Variants in WSB2 observed in about 807,000 individuals in gnomAD.
WSB2 encodes the protein WD repeat and SOCS box containing 2.
Under a neutral mutation model 48.8 loss-of-function variants are expected in WSB2, and 12 were observed. The observed-to-expected ratio is 0.25, with a 90% CI of 0.16 to 0.40. The LOEUF (loss-of-function observed/expected upper bound fraction) is 0.40. Among genes scored for constraint, WSB2 ranks in the 10% least tolerant of loss-of-function variants. The pLI is 1.00. For synonymous variants in WSB2, 191 were observed against 203.1 expected (o/e 0.94, Z 0.51); for missense variants, 317 against 506.2 (o/e 0.63, Z 3.59).
At chr12:118,049,978 T>C (rs1415210813) in intron 2 of WSB2, among the ~76,000 whole-genome samples, 1 of 152,176 alleles carries the variant, frequency 6.6e-6, no homozygotes, top group East Asian at 1.9e-4. Flanking sequence ...TAACTCAGTG[T>C]TACGCAAAGA....
intron 4 of WSB2, among the ~76,000 whole-genome samples, chr12:118,038,996 T>G (rs1270440287): frequency 6.6e-6 from 1 of 152,232 alleles, no homozygotes; most frequent in Non-Finnish European, 1.5e-5. Context: ...GGACCTTTGA[T>G]AGCAGAGAAT....
chr12:118,055,903 C>G (rs1347980936), intron 1 of WSB2, among the ~76,000 whole-genome samples: 1 of 145,514 alleles, frequency 6.9e-6, no homozygotes, highest in Non-Finnish European at 1.5e-5. Context: ...GTGTAAACCA[C>G]CACGTCTGTT....
rs546134624 is a variant in WSB2 at position 118,034,784 on chromosome 12, TTTAA to T, written c.1052+198_1052+201del. ...CATTAGGTGGCATGACTTACAGATCTTTAATTACATTTAGGTTAAATATTCAGAG... is the reference window on the plus strand; with the variant it reads ...CATTAGGTGGCATGACTTACAGATCTTTACATTTAGGTTAAATATTCAGAG... On this transcript the variant is annotated intron_variant, in intron 8 of 8. Coordinates refer to ENST00000315436, the MANE Select transcript of WSB2 (RefSeq NM_018639.5). The T allele has an allele frequency of 2.6e-3, 1,518 of 585,936 alleles. 3 individuals carry two copies. Among genetic ancestry groups the T allele is most frequent in the Non-Finnish European group, 3.0e-3 (1,011 of 338,972 alleles). 36.3% of individuals were successfully genotyped at this position (585,936 alleles called of 1,614,324 possible). A position where few individuals can be genotyped will look rare whatever the true frequency, so the allele number is the denominator to read the frequency against.
At chr12:118,044,234 C>T (rs953523217) in intron 2 of WSB2, among the ~76,000 whole-genome samples, 1 of 152,120 alleles carries the variant, frequency 6.6e-6, no homozygotes, top group Non-Finnish European at 1.5e-5. Flanking sequence ...ACAGATGCTC[C>T]AGGGAGTCAC....
intron 4 of WSB2, among the ~76,000 whole-genome samples, chr12:118,040,775 C>T (rs979946058): frequency 1.3e-5 from 2 of 151,800 alleles, no homozygotes; most frequent in Non-Finnish European, 2.9e-5. Context: ...AGGCCAGGCG[C>T]AGTGGCTCAC....
At chr12:118,061,528 G>C (rs1047771864), upstream of WSB2, among the ~76,000 whole-genome samples, 2 of 151,260 alleles carry the variant, frequency 1.3e-5, no homozygotes, top group Non-Finnish European at 2.9e-5. Context: ...AGGGAAACCG[G>C]GAAAAGGGGA....
At chr12:118,051,729 T>C (rs998940590) in intron 2 of WSB2, among the ~76,000 whole-genome samples, 19 of 152,366 alleles carry the variant, frequency 1.2e-4, no homozygotes, top group Admixed American at 5.9e-4. Flanking sequence ...ATCCCAGCAC[T>C]TCGGGAGGCC....
chr12:118,048,142 T>C (rs2031780176), intron 2 of WSB2, among the ~76,000 whole-genome samples: 1 of 152,146 alleles, frequency 6.6e-6, no homozygotes, highest in Non-Finnish European at 1.5e-5. Context: ...TTGCCCATGC[T>C]GATCTAGAAC....
In WSB2 at chr12:118,033,834, C is replaced by T. The variant is rs1376932490; in HGVS notation, c.*362G>A. On this transcript the variant is annotated 3_prime_UTR_variant, in exon 9 of 9. Transcript: ENST00000315436. Reference sequence around the variant, plus strand: ...CCCAGCGGAGGGAGTGTGAGCTGCTCTGCCACTAGAGAGGCTCTGGAGGCC... The same window carrying T: ...CCCAGCGGAGGGAGTGTGAGCTGCTTTGCCACTAGAGAGGCTCTGGAGGCC... 1.9e-5 allele frequency: 5 copies of T among 258,134 alleles called. No individual in the cohort carries two copies. The Admixed American group carries it at 2.4e-4, about 12-fold the overall frequency. 16.0% of individuals were successfully genotyped at this position (258,134 alleles called of 1,614,324 possible). A position where few individuals can be genotyped will look rare whatever the true frequency, so the allele number is the denominator to read the frequency against.
At chr12:118,057,897 C>T (rs190000567) in intron 1 of WSB2, among the ~76,000 whole-genome samples, 4 of 149,296 alleles carry the variant, frequency 2.7e-5, no homozygotes, top group Admixed American at 6.7e-5. Context: ...TATCGGGCTA[C>T]GGGGGCGTAC....
chr12:118,061,651 A>G (rs1395941053), upstream of WSB2, among the ~76,000 whole-genome samples: 1 of 148,490 alleles, frequency 6.7e-6, no homozygotes, highest in African/African-American at 2.5e-5. Flanking sequence ...TCCGGGGAGA[A>G]CGGAGAGAGG....
At chr12:118,051,406 A>T (rs982575375) in intron 2 of WSB2, among the ~76,000 whole-genome samples, 1 of 152,258 alleles carries the variant, frequency 6.6e-6, no homozygotes, top group Non-Finnish European at 1.5e-5. Flanking sequence ...TGTACGAACA[A>T]AATTTGGCAT....
intron 2 of WSB2, among the ~76,000 whole-genome samples, chr12:118,048,441 T>A (rs1369491189): frequency 1.3e-5 from 2 of 151,886 alleles, no homozygotes; most frequent in African/African-American, 4.8e-5. Context: ...TACAAAAAAA[T>A]TAGCTGAGTG....
upstream of WSB2, chr12:118,062,093 ACCTACCTACGGCGAC>A: frequency 6.5e-7 from 1 of 1,535,050 alleles, no homozygotes; most frequent in East Asian, 2.4e-5. Flanking sequence ...CTGTCCCCTT[ACCTACCTACGGCGAC>A]AGCCTCGCCT....
rs1042282909 is a variant in WSB2 at position 118,036,567 on chromosome 12, C to T, written c.661-57G>A. The T allele has an allele frequency of 2.1e-5, 32 of 1,522,306 alleles. No homozygotes were observed. In the East Asian group the frequency reaches 3.5e-4, roughly 16 times the overall value. 94.3% of individuals were successfully genotyped at this position (1,522,306 alleles called of 1,614,324 possible). On this transcript the variant is annotated intron_variant, in intron 5 of 8. Transcript: ENST00000315436. ...AGAAGCAAAGTGCTTAGGACTCAAACGGAGGGAGGGAAAGGTACCACCACC... is the reference window on the plus strand; with the variant it reads ...AGAAGCAAAGTGCTTAGGACTCAAATGGAGGGAGGGAAAGGTACCACCACC...
intron 1 of WSB2, among the ~76,000 whole-genome samples, chr12:118,053,622 A>G (rs1178601383): frequency 6.6e-6 from 1 of 152,108 alleles, no homozygotes; most frequent in Non-Finnish European, 1.5e-5. Flanking sequence ...ACCAGATTGG[A>G]GCTTCTTCAT....
intron 2 of WSB2, among the ~76,000 whole-genome samples, chr12:118,051,379 G>T (rs2031849799): frequency 6.6e-6 from 1 of 152,138 alleles, no homozygotes; most frequent in Admixed American, 6.5e-5. Context: ...ACAACCCAAT[G>T]TCCATCAACT....
intron 2 of WSB2, among the ~76,000 whole-genome samples, chr12:118,047,937 G>GT (rs1415806958): frequency 6.6e-6 from 1 of 151,018 alleles, no homozygotes; most frequent in Non-Finnish European, 1.5e-5. Context: ...GCTTTTTTTT[G>GT]TTTTTTTAAG....
Position 118,034,050 on chromosome 12 carries a change from C to A in WSB2, c.*146G>T. The A allele has an allele frequency of 9.0e-7, 1 of 1,106,978 alleles. No homozygotes were observed. Among genetic ancestry groups the A allele is most frequent in the Non-Finnish European group, 1.3e-6 (1 of 756,960 alleles). The allele number at this position is 1,106,978 out of a possible 1,614,324, so 68.6% of individuals were successfully genotyped here. ...GAGAGAAAGATCCATGACTAGTACA[C>A]TGGAATCTGGTTTTGCTACATTCTA... On this transcript the variant is annotated 3_prime_UTR_variant, in exon 9 of 9. Coordinates refer to ENST00000315436, the MANE Select transcript of WSB2 (RefSeq NM_018639.5).
Sources: gnomAD v4.1 joint callset for allele counts (sites outside exome capture counted in the v4.1 genomes callset) on GRCh38, gnomAD v4.1.1 for gene constraint, MANE v1.5 for transcripts, NCBI Gene and HGNC (gene_info 2026-07-23, HGNC 2026-07-21) for gene names.